The following TAF1 variants were observed in gnomAD, a reference collection of about 807,000 sequenced individuals.
The protein encoded by TAF1 is transcription initiation factor TFIID subunit 1.
In TAF1, 2 loss-of-function variants were observed where a neutral mutation model predicts 138.5. The observed-to-expected ratio is 0.01, with a 90% CI of 0.01 to 0.05. The LOEUF is 0.05. Among genes scored for constraint, TAF1 ranks in the 10% least tolerant of loss-of-function variants. The probability of loss-of-function intolerance (pLI) is 1.00; values close to 1 mark genes in which losing one functional copy is unlikely to be tolerated. For synonymous variants in TAF1, 437 were observed against 503.2 expected, an observed-to-expected ratio of 0.87 and a Z score of 1.76; for missense variants, 709 against 1,478.0, an observed-to-expected ratio of 0.48 and a Z score of 8.53.
At chrX:71,439,984 G>A (rs1041195879) in intron 32 of TAF1, among the ~76,000 whole-genome samples, 2 of 111,080 alleles carry the variant, frequency 1.8e-5, no homozygotes, top group Non-Finnish European at 3.8e-5. Flanking sequence ...GTGCATAAGT[G>A]TGTGCAATTT....
At chrX:71,441,313 ATATATT>A (rs1285465953) in intron 32 of TAF1, among the ~76,000 whole-genome samples, 6 of 110,724 alleles carry the variant, frequency 5.4e-5, no homozygotes, top group South Asian at 3.7e-4. Flanking sequence ...GTTATTTTAG[ATATATT>A]TATATGAAGT....
rs745555337 is a variant in TAF1 at position 71,382,826 on chromosome X, G to A, written c.1731G>A (p.Lys577=). The change falls in exon 11 of 38, where the codon AAG becomes AAA. Residue 577 remains lysine (K), a synonymous_variant. Transcript: ENST00000423759. The stretch of plus-strand genomic sequence containing the variant: ...CCAATGATGAGTATTATTATCCCAA[G>A]CAACAGGGTCTTCGAGGCACCTTTG... ...NLSNDEYYYP[K]QQGLRGTFGG... is the part of the protein sequence containing the mutation. 28 of 1,208,435 alleles carry A rather than the reference G, an allele frequency of 2.3e-5. No homozygotes were observed. The highest frequency in any genetic ancestry group is 2.9e-5 in the Non-Finnish European group (26 of 894,720).
chrX:71,446,142 C>T (rs921725508), intron 32 of TAF1, among the ~76,000 whole-genome samples: 1 of 111,032 alleles, frequency 9.0e-6, no homozygotes, highest in Admixed American at 9.6e-5. Context: ...AACTCCTGAC[C>T]TCAGGTGACC....
intron 13 of TAF1, chrX:71,528,285 T>C (rs1905845860): frequency 7.5e-6 from 2 of 267,890 alleles, no homozygotes; most frequent in Non-Finnish European, 1.4e-5. Flanking sequence ...TGCAGGTTTT[T>C]TCAGCTCCTC....
intron 25 of TAF1, among the ~76,000 whole-genome samples, chrX:71,406,354 T>A (rs2035472431): frequency 9.3e-6 from 1 of 107,425 alleles, no homozygotes; most frequent in African/African-American, 3.4e-5. Flanking sequence ...AAAGAGAATG[T>A]TGGAACTAGA....
chrX:71,417,700 A>C (rs753149182), intron 28 of TAF1, among the ~76,000 whole-genome samples: 7 of 111,578 alleles, frequency 6.3e-5, no homozygotes, highest in Admixed American at 9.5e-5. Context: ...AACAACTTAT[A>C]GCATACTGTG....
At chrX:71,398,514 G>A in intron 23 of TAF1, 58 bp from the exon 24 acceptor site, 10 of 1,182,326 alleles carry the variant, frequency 8.5e-6, no homozygotes, top group Non-Finnish European at 8.0e-6. Flanking sequence ...TAGTCTTCTT[G>A]GTTAAGGTTT....
chrX:71,461,456 G>T (rs2148850456), intron 37 of TAF1, among the ~76,000 whole-genome samples: 1 of 111,261 alleles, frequency 9.0e-6, no homozygotes, highest in South Asian at 3.8e-4. Flanking sequence ...ACATGATGAG[G>T]ATATCAACAG....
At chrX:71,518,108 G>C (rs757147896) in intron 13 of TAF1, among the ~76,000 whole-genome samples, 3 of 111,109 alleles carry the variant, frequency 2.7e-5, no homozygotes, top group Non-Finnish European at 5.7e-5. Flanking sequence ...TATATATATA[G>C]ACTATATCTA....
intron 28 of TAF1, among the ~76,000 whole-genome samples, chrX:71,409,805 A>G (rs1286101511): frequency 9.0e-6 from 1 of 111,338 alleles, no homozygotes; most frequent in Non-Finnish European, 1.9e-5. Context: ...TCATTTCTTC[A>G]TGACTTTGCA....
At chrX:71,372,748 C>T (rs2033165804) in intron 3 of TAF1, among the ~76,000 whole-genome samples, 1 of 111,899 alleles carries the variant, frequency 8.9e-6, no homozygotes, top group African/African-American at 3.2e-5. Context: ...AAAATTCAGT[C>T]TCTTCCGTAT....
At chrX:71,367,194 C>A (rs368668609) in intron 1 of TAF1, among the ~76,000 whole-genome samples, 2 of 112,629 alleles carry the variant, frequency 1.8e-5, no homozygotes, top group East Asian at 5.6e-4. Context: ...CTGCCTCGGC[C>A]CTCGTTCCGA....
chrX:71,457,932 C>T (rs745582097), intron 34 of TAF1, among the ~76,000 whole-genome samples: 2 of 112,100 alleles, frequency 1.8e-5, no homozygotes, highest in Non-Finnish European at 3.8e-5. Context: ...GCCTAAAAAC[C>T]GAAAGACAAG....
rs189789961 is a variant in TAF1 at position 71,472,524 on chromosome X, G to C, written c.1366+11721G>C. On this transcript the variant is annotated intron_variant and NMD_transcript_variant, in intron 13 of 14. Transcript: ENST00000373775. Reference sequence around the variant, plus strand: ...AGGTGGGCGAATCTCTTGAGGTCAGGAGTTTGAGACCAGCCTGGCCAACAT... The same window carrying C: ...AGGTGGGCGAATCTCTTGAGGTCAGCAGTTTGAGACCAGCCTGGCCAACAT... 7.2e-3 allele frequency among the ~76,000 whole-genome samples: 795 copies of C among 111,166 alleles called. 2 individuals carry two copies. Among genetic ancestry groups the C allele is most frequent in the Middle Eastern group, 0.028 (6 of 216 alleles).
At chrX:71,399,567 CTTT>C (rs35622645) in intron 24 of TAF1, among the ~76,000 whole-genome samples, 4 of 28,941 alleles carry the variant, frequency 1.4e-4, no homozygotes, top group Non-Finnish European at 1.7e-4. Context: ...GTTATTTATT[CTTT>C]TTTTTTTTTT....
In TAF1 at chrX:71,518,454, A is replaced by G. The variant is rs561466902; in HGVS notation, c.1367-10088A>G. On this transcript the variant is annotated intron_variant and NMD_transcript_variant, in intron 13 of 14. Transcript: ENST00000373775. ...CCAAAGTGTTGGGATTACAGGCGTG[A>G]GCCACCATGCCAGGCCAAGAAATCA... Among the ~76,000 whole-genome samples, 7 of 111,187 alleles carry G rather than the reference A, an allele frequency of 6.3e-5. No homozygotes were observed. The East Asian group carries it at 1.4e-3, about 23-fold the overall frequency.
intron 13 of TAF1, chrX:71,492,188 G>T (rs969307139): frequency 1.6e-5 from 2 of 122,471 alleles, no homozygotes; most frequent in South Asian, 3.0e-4. Context: ...GTTTATGGTT[G>T]AGACTCACAC....
chrX:71,402,448 A>G (rs773361495), intron 25 of TAF1, among the ~76,000 whole-genome samples: 18 of 111,785 alleles, frequency 1.6e-4, no homozygotes, highest in African/African-American at 5.5e-4. Context: ...GGGTTTCGCC[A>G]TGCTGGTCTC....
intron 28 of TAF1, chrX:71,420,184 A>T (rs764112245): frequency 1.8e-6 from 1 of 551,021 alleles, no homozygotes; most frequent in Admixed American, 2.4e-5. Flanking sequence ...GAACTGCTGT[A>T]GTTGGTGGTC....
Sources: gnomAD v4.1 joint callset for allele counts (sites outside exome capture counted in the v4.1 genomes callset) on GRCh38, gnomAD v4.1.1 for gene constraint, MANE v1.5 for transcripts, NCBI Gene and HGNC (gene_info 2026-07-23, HGNC 2026-07-21) for gene names.